The following MFHAS1 variants were observed in gnomAD, a reference collection of about 807,000 sequenced individuals.
MFHAS1 encodes the protein multifunctional ROCO family signaling regulator 1, also known as malignant fibrous histiocytoma-amplified sequence 1.
MFHAS1 carries 50 observed loss-of-function variants against 70.4 expected under a neutral mutation model. The ratio of observed to expected loss-of-function variants is 0.71; its 90% CI spans 0.57 to 0.90. The LOEUF is 0.90. MFHAS1 is among the 40% of genes least tolerant of loss of function. The pLI is 0.00. For missense variants in MFHAS1, 1,795 were observed against 1,347.6 expected (o/e 1.33, Z -5.20); for synonymous variants, 952 against 620.0 (o/e 1.54, Z -7.96).
chr8:8,827,586 A>G (rs776341723), intron 1 of MFHAS1, among the ~76,000 whole-genome samples: 29 of 152,132 alleles, frequency 1.9e-4, no homozygotes, highest in Non-Finnish European at 3.5e-4. Context: ...CATTTTTCCT[A>G]TTGACTTCTA....
rs77020914 is a variant in MFHAS1 at position 8,879,064 on chromosome 8, T to C, written c.2998+10997A>G. Among the ~76,000 whole-genome samples, 709 of 152,172 alleles carry C rather than the reference T, an allele frequency of 4.7e-3. 4 individuals carry two copies. Among genetic ancestry groups the C allele is most frequent in the African/African-American group, 0.016 (667 of 41,520 alleles). On this transcript the variant is annotated intron_variant, in intron 1 of 2. Transcript: ENST00000276282. The stretch of plus-strand genomic sequence containing the variant: ...TATAAATGACAAAAAAGGTAAGGAC[T>C]ACTGCCAGGCATGGTGACTCACGCC...
At chr8:8,853,466 TAAAAAAAAAA>T (rs58475480) in intron 1 of MFHAS1, among the ~76,000 whole-genome samples, 1 of 120,186 alleles carries the variant, frequency 8.3e-6, no homozygotes, top group African/African-American at 3.1e-5. Flanking sequence ...TGCTCATTCT[TAAAAAAAAAA>T]AAAAAAAAAA....
At chr8:8,835,109 T>C (rs534251877) in intron 1 of MFHAS1, among the ~76,000 whole-genome samples, 2 of 152,282 alleles carry the variant, frequency 1.3e-5, no homozygotes, top group South Asian at 2.1e-4. Context: ...GGCAACCTAA[T>C]TCCCATGGAC....
chr8:8,862,272 T>G (rs1808695382), intron 1 of MFHAS1, among the ~76,000 whole-genome samples: 1 of 152,182 alleles, frequency 6.6e-6, no homozygotes, highest in South Asian at 2.1e-4. Flanking sequence ...TACATTTCTC[T>G]AATGATTAAT....
At chr8:8,793,613 G>C (rs1304111379) in intron 2 of MFHAS1, among the ~76,000 whole-genome samples, 3 of 152,248 alleles carry the variant, frequency 2.0e-5, no homozygotes, top group African/African-American at 7.2e-5. Context: ...TGAACAGTGA[G>C]TGATATGTTC....
rs1223979340 is a variant in MFHAS1, at chr8:8,783,741, A to G, written c.*2281T>C. On this transcript the variant is annotated 3_prime_UTR_variant, in exon 3 of 3. Coordinates refer to ENST00000276282, the MANE Select transcript of MFHAS1 (RefSeq NM_004225.3). ...TCCTCTTGTGCTTAGTGAATCACCT[A>G]TCGCCTCGGTGGGCTGCTGTGTCTT... is the stretch of plus-strand genomic sequence containing the variant. 2 of 152,152 alleles carry G rather than the reference A, an allele frequency of 1.3e-5. No homozygotes were observed. Among genetic ancestry groups the G allele is most frequent in the Non-Finnish European group, 2.9e-5 (2 of 68,018 alleles). 9.4% of individuals were successfully genotyped at this position (152,152 alleles called of 1,614,324 possible).
chr8:8,893,012 C>T lies in MFHAS1; in HGVS notation c.47G>A (p.Arg16Gln). The change falls in exon 1 of 3, where the codon CGG (arginine) becomes CAG (glutamine). Residue 16 changes from arginine to glutamine, a missense_variant. Physicochemically the swap from Arg to Gln is conservative, Grantham distance 43. Coordinates refer to ENST00000276282, the MANE Select transcript of MFHAS1 (RefSeq NM_004225.3). The part of the protein sequence containing the change: ...SGNLKTARLW[R>Q]DAALRARKLR... ...CTTCCTGGCACGCAGGGCGGCGTCC[C>T]GCCACAGCCTCGCGGTCTTCAGGTT... 1 of 1,539,308 alleles carries T rather than the reference C, an allele frequency of 6.5e-7. No individual in the cohort carries two copies. Among genetic ancestry groups the T allele is most frequent in the Non-Finnish European group, 8.7e-7 (1 of 1,146,072 alleles).
intron 1 of MFHAS1, among the ~76,000 whole-genome samples, chr8:8,874,371 C>A (rs398046973): frequency 7.9e-6 from 1 of 127,014 alleles, no homozygotes; most frequent in African/African-American, 3.0e-5. Flanking sequence ...CACACACACA[C>A]ACATAATAAT....
chr8:8,823,794 C>A (rs762410746), intron 1 of MFHAS1, among the ~76,000 whole-genome samples: 2 of 145,556 alleles, frequency 1.4e-5, no homozygotes, highest in Non-Finnish European at 3.0e-5. Flanking sequence ...TGATGTAGCA[C>A]AGAAGATAGT....
intron 1 of MFHAS1, among the ~76,000 whole-genome samples, chr8:8,823,332 G>C (rs1807035549): frequency 6.6e-6 from 1 of 152,172 alleles, no homozygotes; most frequent in East Asian, 1.9e-4. Flanking sequence ...GAAATGTACT[G>C]TGAAGGCCCG....
At chr8:8,814,798 G>A (rs567469501) in intron 1 of MFHAS1, among the ~76,000 whole-genome samples, 1 of 151,802 alleles carries the variant, frequency 6.6e-6, no homozygotes, top group East Asian at 1.9e-4. Context: ...GCATATTGGG[G>A]AGCTGTAAAT....
intron 1 of MFHAS1, among the ~76,000 whole-genome samples, chr8:8,852,440 G>C (rs953768486): frequency 1.3e-5 from 2 of 151,722 alleles, no homozygotes; most frequent in African/African-American, 2.4e-5. Flanking sequence ...CGCCACTCCA[G>C]CGTAAGCAAC....
rs1286162466 is a variant in MFHAS1 at position 8,890,688 on chromosome 8, C to T, written c.2371G>A (p.Gly791Ser). The change falls in exon 1 of 3, where the codon GGC (glycine) becomes AGC (serine). Residue 791 changes from glycine (G) to serine (S), a missense_variant. Coordinates refer to ENST00000276282, the MANE Select transcript of MFHAS1 (RefSeq NM_004225.3). ...RATQLHQYVE[G>S]FLLHGLLPAH... Reference sequence around the variant, plus strand: ...GGCAAGAGCCCATGCAACAGAAAGCCCTCCACATACTGATGGAGCTGGGTG... The same window carrying T: ...GGCAAGAGCCCATGCAACAGAAAGCTCTCCACATACTGATGGAGCTGGGTG... 1 of 1,613,504 alleles carries T rather than the reference C, an allele frequency of 6.2e-7. No individual in the cohort carries two copies. Among genetic ancestry groups the T allele is most frequent in the Non-Finnish European group, 8.5e-7 (1 of 1,179,628 alleles).
intron 1 of MFHAS1, among the ~76,000 whole-genome samples, chr8:8,826,037 T>C (rs1315567587): frequency 6.6e-6 from 1 of 152,240 alleles, no homozygotes; most frequent in Non-Finnish European, 1.5e-5. Flanking sequence ...CAAGAGGTTC[T>C]GATAATGGAT....
chr8:8,841,871 C>T (rs1464156035), intron 1 of MFHAS1, among the ~76,000 whole-genome samples: 2 of 152,180 alleles, frequency 1.3e-5, no homozygotes, highest in Non-Finnish European at 2.9e-5. Context: ...AATATGCCAT[C>T]CTACTTTGGC....
At chr8:8,853,329 G>T (rs911486864) in intron 1 of MFHAS1, among the ~76,000 whole-genome samples, 8 of 151,992 alleles carry the variant, frequency 5.3e-5, no homozygotes, top group African/African-American at 1.9e-4. Flanking sequence ...TACCTTTTGG[G>T]AATAAAAAGG....
intron 2 of MFHAS1, among the ~76,000 whole-genome samples, chr8:8,789,137 G>A (rs1057086548): frequency 6.6e-6 from 1 of 151,958 alleles, no homozygotes; most frequent in Non-Finnish European, 1.5e-5. Context: ...AGTGGTGGCT[G>A]GGGGGGTTGG....
At position 8,825,563 on chromosome 8, in the gene MFHAS1, C is replaced by G. The variant is rs573100535; in HGVS notation, c.2999-28072G>C. On this transcript the variant is annotated intron_variant, in intron 1 of 2. Coordinates refer to ENST00000276282, the MANE Select transcript of MFHAS1 (RefSeq NM_004225.3). ...GTTGGTTTCTTCTGAGGCCTCTCTC[C>G]TCTGCTTGCAGGTGGCTGCCTTCTC... Among the ~76,000 whole-genome samples, 5 of 152,284 alleles carry G rather than the reference C, an allele frequency of 3.3e-5. No homozygotes were observed. In the South Asian group the frequency reaches 8.3e-4, roughly 25 times the overall value.
intron 2 of MFHAS1, among the ~76,000 whole-genome samples, chr8:8,789,043 T>C (rs1805642240): frequency 6.6e-6 from 1 of 151,620 alleles, no homozygotes; most frequent in Non-Finnish European, 1.5e-5. Context: ...AAAAGACAAT[T>C]ATTGTCGGTT....
Sources: allele counts gnomAD v4.1 joint callset (sites outside exome capture counted in the v4.1 genomes callset), GRCh38; gene constraint gnomAD v4.1.1; transcripts MANE v1.5; gene names NCBI Gene and HGNC (gene_info 2026-07-23, HGNC 2026-07-21).